Variants in NRXN3 observed in about 807,000 individuals in gnomAD.
NRXN3 encodes neurexin 3, also known as neurexin III.
A neutral mutation model predicts 137.6 loss-of-function variants in NRXN3; 32 were observed. The observed-to-expected ratio is 0.23, with a 90% CI of 0.18 to 0.31. NRXN3 has a LOEUF of 0.31. Among genes scored for constraint, NRXN3 ranks in the 10% least tolerant of loss-of-function variants. The pLI is 1.00. For missense variants in NRXN3, 1,574 were observed against 2,062.5 expected (o/e 0.76, Z 4.59); for synonymous variants, 798 against 784.5 (o/e 1.02, Z -0.29).
chr14:79,790,515 C>T (rs2099141792), intron 19 of NRXN3, among the ~76,000 whole-genome samples: 1 of 151,476 alleles, frequency 6.6e-6, no homozygotes, highest in African/African-American at 2.4e-5. Flanking sequence ...CATTATTTTC[C>T]CCAGGCTGGT....
intron 15 of NRXN3, among the ~76,000 whole-genome samples, chr14:79,282,320 A>G (rs2081405592): frequency 6.6e-6 from 1 of 152,164 alleles, no homozygotes; most frequent in South Asian, 2.1e-4. Context: ...GAGATTAGCT[A>G]AATTTTGCTA....
chr14:79,257,315 A>C (rs948533849), intron 15 of NRXN3, among the ~76,000 whole-genome samples: 1 of 97,344 alleles, frequency 1.0e-5, no homozygotes, highest in African/African-American at 4.0e-5. Context: ...ACATGCTAGA[A>C]GTTCTGTGGA....
intron 4 of NRXN3, among the ~76,000 whole-genome samples, chr14:78,419,154 A>G (rs1187125437): frequency 2.0e-5 from 3 of 152,346 alleles, no homozygotes; most frequent in East Asian, 1.9e-4. Flanking sequence ...AACATGTCCA[A>G]GGTCACACAG....
intron 4 of NRXN3, among the ~76,000 whole-genome samples, chr14:78,476,775 A>G (rs1169660405): frequency 1.3e-5 from 2 of 152,222 alleles, no homozygotes; most frequent in African/African-American, 4.8e-5. Context: ...TAGTATAATT[A>G]ACAAAAATAC....
chr14:78,526,419 G>A (rs2096380529), intron 4 of NRXN3, among the ~76,000 whole-genome samples: 2 of 152,140 alleles, frequency 1.3e-5, no homozygotes, highest in Non-Finnish European at 2.9e-5. Flanking sequence ...ACGTTTCTGT[G>A]GATACGGGAT....
chr14:78,768,075 CAAA>C (rs79591478), intron 8 of NRXN3, among the ~76,000 whole-genome samples: 2 of 81,598 alleles, frequency 2.5e-5, no homozygotes, highest in Admixed American at 1.3e-4. Context: ...ATGTGTTTAC[CAAA>C]AAAAAAAAAA....
At chr14:79,359,759 TG>T (rs1220012501) in intron 15 of NRXN3, among the ~76,000 whole-genome samples, 1 of 151,826 alleles carries the variant, frequency 6.6e-6, no homozygotes, top group African/African-American at 2.4e-5. Flanking sequence ...TTAGTAGACA[TG>T]GGGTTTCACC....
At chr14:79,507,302 A>G (rs1442949846) in intron 16 of NRXN3, among the ~76,000 whole-genome samples, 1 of 152,194 alleles carries the variant, frequency 6.6e-6, no homozygotes, top group Non-Finnish European at 1.5e-5. Flanking sequence ...TAAGTTTCAT[A>G]TGATTTTTAC....
intron 1 of NRXN3, among the ~76,000 whole-genome samples, chr14:78,217,626 T>C (rs1596005713): frequency 6.6e-6 from 1 of 152,366 alleles, no homozygotes; most frequent in Non-Finnish European, 1.5e-5. Flanking sequence ...TGTGGTATTG[T>C]ATTGTGCATG....
At chr14:78,173,421 C>T (rs1230642390) in intron 1 of NRXN3, among the ~76,000 whole-genome samples, 1 of 151,352 alleles carries the variant, frequency 6.6e-6, no homozygotes, top group Non-Finnish European at 1.5e-5. Context: ...CATGGAGAGG[C>T]AGCGGAGAGA....
intron 15 of NRXN3, among the ~76,000 whole-genome samples, chr14:79,037,169 A>G (rs7141297): frequency 0.05 from 7,565 of 152,156 alleles, 688 homozygotes; most frequent in African/African-American, 0.17. Context: ...GAGATTCTAT[A>G]AGATATCAGG....
intron 15 of NRXN3, among the ~76,000 whole-genome samples, chr14:79,177,484 G>A (rs558818680): frequency 6.6e-6 from 1 of 152,304 alleles, no homozygotes; most frequent in East Asian, 1.9e-4. Flanking sequence ...CAGCTAAGAT[G>A]CTTTGATAAA....
At chr14:78,371,302 T>C (rs1041019281) in intron 4 of NRXN3, among the ~76,000 whole-genome samples, 1 of 152,212 alleles carries the variant, frequency 6.6e-6, no homozygotes, top group African/African-American at 2.4e-5. Context: ...TAGCTTCAGA[T>C]GGCACAACTT....
chr14:78,952,925 A>G (rs2099389785), intron 10 of NRXN3, among the ~76,000 whole-genome samples: 1 of 152,172 alleles, frequency 6.6e-6, no homozygotes, highest in Non-Finnish European at 1.5e-5. Context: ...GCTTTGTGGC[A>G]TATGGAAGGA....
intron 16 of NRXN3, among the ~76,000 whole-genome samples, chr14:79,590,345 C>T (rs1012802544): frequency 6.8e-6 from 1 of 147,942 alleles, no homozygotes; most frequent in South Asian, 2.1e-4. Flanking sequence ...TCCACCTTGC[C>T]TTCCACCATG....
rs1028088517 is a variant in NRXN3 at position 79,744,584 on chromosome 14, C to T, written c.4014+46647C>T. On this transcript the variant is annotated intron_variant, in intron 19 of 20. Transcript: ENST00000335750. ...TTTCTGTAATTGTTACTAACATCAA[C>T]GCTTCGCTTGCTTCTAGGAAGACAG... Among the ~76,000 whole-genome samples the T allele has an allele frequency of 4.6e-5, 7 of 152,266 alleles. No homozygotes were observed. In the South Asian group the frequency reaches 6.2e-4, roughly 14 times the overall value.
intron 15 of NRXN3, among the ~76,000 whole-genome samples, chr14:79,200,590 A>G (rs1433641579): frequency 6.6e-6 from 1 of 152,200 alleles, no homozygotes. Flanking sequence ...CTTTGTCCGT[A>G]GAAACACATC....
Position 79,861,085 on chromosome 14 carries a change from C to A in NRXN3, c.4094-257C>A. Reference sequence around the variant, plus strand: ...TTCTTGTAGAAGACCCTTTAGCTACCCCTCCTATTGCTACTCGTGCACCTT... The same window carrying A: ...TTCTTGTAGAAGACCCTTTAGCTACACCTCCTATTGCTACTCGTGCACCTT... On this transcript the variant is annotated intron_variant, in intron 20 of 20. Transcript: ENST00000335750. The surrounding 1 kb of genome is among the most constrained non-coding windows in gnomAD (Gnocchi z 5.4). 1 of 1,425,824 alleles carries A rather than the reference C, an allele frequency of 7.0e-7. No individual in the cohort carries two copies. The highest frequency in any genetic ancestry group is 1.5e-5 in the South Asian group (1 of 65,034). The allele number at this position is 1,425,824 out of a possible 1,614,324, so 88.3% of individuals were successfully genotyped here.
At chr14:78,667,932 C>G (rs759654936) in intron 6 of NRXN3, among the ~76,000 whole-genome samples, 1 of 152,138 alleles carries the variant, frequency 6.6e-6, no homozygotes, top group African/African-American at 2.4e-5. Context: ...TACAAGCGCC[C>G]GCCACCACGC....
Sources: allele counts gnomAD v4.1 joint callset (sites outside exome capture counted in the v4.1 genomes callset), GRCh38; gene constraint gnomAD v4.1.1; non-coding constraint Gnocchi (gnomAD v3.1); transcripts MANE v1.5; gene names NCBI Gene and HGNC (gene_info 2026-07-23, HGNC 2026-07-21).